ELAVL2: variants seen among roughly 807,000 people sequenced by gnomAD.
The protein encoded by ELAVL2 is ELAV like RNA binding protein 2.
A neutral mutation model predicts 34.6 loss-of-function variants in ELAVL2; 4 were observed. That is an observed-to-expected ratio of 0.12 (90% CI 0.06 to 0.26). The LOEUF (loss-of-function observed/expected upper bound fraction) is 0.26. Ranked by LOEUF, ELAVL2 falls within the 10% of genes least tolerant of loss-of-function variation. The pLI, the probability that ELAVL2 is intolerant of heterozygous loss-of-function variation, is 1.00. For synonymous variants in ELAVL2, 193 were observed against 154.8 expected, an observed-to-expected ratio of 1.25 and a Z score of -1.83; for missense variants, 432 against 442.8, an observed-to-expected ratio of 0.98 and a Z score of 0.22.
chr9:23,838,575 C>G, the ELAVL2 span, among the ~76,000 whole-genome samples: 2 of 152,130 alleles, frequency 1.3e-5, no homozygotes, highest in African/African-American at 4.8e-5. Flanking sequence ...TATAACTATC[C>G]TGTCCAATTA....
chr9:23,841,123 A>C, the ELAVL2 span, among the ~76,000 whole-genome samples: 1 of 152,142 alleles, frequency 6.6e-6, no homozygotes, highest in South Asian at 2.1e-4. Flanking sequence ...AAAGGGAAAG[A>C]GATATGTCCT....
chr9:23,747,237 T>C (rs191478294), intron 2 of ELAVL2, among the ~76,000 whole-genome samples: 1 of 152,138 alleles, frequency 6.6e-6, no homozygotes, highest in East Asian at 1.9e-4. Flanking sequence ...ATGGATAATG[T>C]GGACAAAGGG....
chr9:23,836,679 G>C, the ELAVL2 span, among the ~76,000 whole-genome samples: 19 of 152,160 alleles, frequency 1.2e-4, no homozygotes, highest in South Asian at 1.7e-3. Context: ...GTGTGTGTTT[G>C]TGTGGGTGTG....
At chr9:23,731,376 T>C (rs1369226596) in intron 2 of ELAVL2, among the ~76,000 whole-genome samples, 4 of 151,828 alleles carry the variant, frequency 2.6e-5, no homozygotes, top group Non-Finnish European at 5.9e-5. Flanking sequence ...GATTCCACCA[T>C]CCATGCCCTG....
Position 23,692,346 on chromosome 9 carries a change from C to T in ELAVL2, c.*211G>A. The T allele has an allele frequency of 1.7e-6, 1 of 572,014 alleles. No individual in the cohort carries two copies. The highest frequency in any genetic ancestry group is 3.0e-6 in the Non-Finnish European group (1 of 334,492). The allele number at this position is 572,014 out of a possible 1,614,324, so 35.4% of individuals were successfully genotyped here. A position where few individuals can be genotyped will look rare whatever the true frequency, so the allele number is the denominator to read the frequency against. On this transcript the variant is annotated 3_prime_UTR_variant, in exon 7 of 7. Coordinates refer to ENST00000397312, the MANE Select transcript of ELAVL2 (RefSeq NM_004432.5). ...TGTGACAGGTAAAAACCCTGTACCTCTTGTCCATATTCAAACATAAAAGAT... is the reference window on the plus strand; with the variant it reads ...TGTGACAGGTAAAAACCCTGTACCTTTTGTCCATATTCAAACATAAAAGAT...
intron 4 of ELAVL2, among the ~76,000 whole-genome samples, chr9:23,702,970 A>AAAAAAC (rs2037915481): frequency 6.8e-6 from 1 of 145,996 alleles, no homozygotes; most frequent in South Asian, 2.2e-4. Flanking sequence ...AAAAAAAAAA[A>AAAAAAC]AAAAAAAAAA....
intron 3 of ELAVL2, among the ~76,000 whole-genome samples, chr9:23,713,592 T>C (rs1347462321): frequency 6.6e-6 from 1 of 152,162 alleles, no homozygotes; most frequent in African/African-American, 2.4e-5. Flanking sequence ...AAATTGTCAG[T>C]AGTGGTTAAG....
At chr9:23,771,872 T>C (rs1292238608) in intron 1 of ELAVL2, among the ~76,000 whole-genome samples, 2 of 152,202 alleles carry the variant, frequency 1.3e-5, no homozygotes, top group African/African-American at 4.8e-5. Flanking sequence ...ATGAGATAAC[T>C]CTGTCTTGGT....
upstream of ELAVL2, chr9:23,831,308 C>G (rs1462351384): frequency 6.6e-6 from 1 of 152,324 alleles, no homozygotes; most frequent in Non-Finnish European, 1.5e-5. Flanking sequence ...CCTCCGGTCT[C>G]TAACTCTTTC....
chr9:23,832,245 A>G, the ELAVL2 span: 1 of 152,172 alleles, frequency 6.6e-6, no homozygotes. Flanking sequence ...GTTGTCATCC[A>G]CAGGAAAGAA....
rs939961795 is a variant in ELAVL2 at position 23,762,362 on chromosome 9, C to T, written c.-15-113G>A. The T allele has an allele frequency of 1.5e-5, 20 of 1,376,334 alleles. No homozygotes were observed. In the Admixed American group the frequency reaches 3.0e-4, roughly 21 times the overall value. 85.3% of individuals were successfully genotyped at this position (1,376,334 alleles called of 1,614,324 possible). On this transcript the variant is annotated intron_variant, in intron 1 of 6. Transcript: ENST00000397312. ...AACACAAGTCGTTCTAATGAAATTA[C>T]AACAATGCTTCAACAAAAAGTGTAA...
chr9:23,848,979 T>C, the ELAVL2 span, among the ~76,000 whole-genome samples: 1 of 152,332 alleles, frequency 6.6e-6, no homozygotes, highest in African/African-American at 2.4e-5. Flanking sequence ...TTAAGACTAC[T>C]GAGCACTATT....
intron 2 of ELAVL2, among the ~76,000 whole-genome samples, chr9:23,757,347 A>C (rs2135829595): frequency 6.6e-6 from 1 of 152,188 alleles, no homozygotes; most frequent in Middle Eastern, 3.4e-3. Flanking sequence ...ACAAGTGGCA[A>C]AGAGGAAACA....
intron 2 of ELAVL2, among the ~76,000 whole-genome samples, chr9:23,737,130 C>A (rs892087817): frequency 6.6e-6 from 1 of 152,164 alleles, no homozygotes; most frequent in Non-Finnish European, 1.5e-5. Flanking sequence ...CCTCACTAGA[C>A]TGCTGAGCAA....
At chr9:23,710,058 G>A (rs2040518064) in intron 3 of ELAVL2, among the ~76,000 whole-genome samples, 1 of 152,098 alleles carries the variant, frequency 6.6e-6, no homozygotes, top group South Asian at 2.1e-4. Flanking sequence ...GTAAGTAAAT[G>A]GCCCATGGCT....
intron 1 of ELAVL2, among the ~76,000 whole-genome samples, chr9:23,771,835 T>C (rs2057358222): frequency 6.6e-6 from 1 of 152,202 alleles, no homozygotes; most frequent in African/African-American, 2.4e-5. Flanking sequence ...GTCATTTATA[T>C]ACCTCTACAA....
At position 23,774,204 on chromosome 9, in the gene ELAVL2, ACTC is replaced by A. The variant is rs1489378072; in HGVS notation, c.-15-11958_-15-11956del. 8.6e-5 allele frequency among the ~76,000 whole-genome samples: 10 copies of A among 115,642 alleles called. No individual in the cohort carries two copies. In the Admixed American group the frequency reaches 1.0e-3, roughly 12 times the overall value. 75.9% of individuals were successfully genotyped at this position (115,642 alleles called of 152,430 possible). ...CCAAGCCTGGGCAAAAGTGCGAGAG[ACTC>A]CATCTCAAAAAAAAAAAAAAAAAAA... is the stretch of plus-strand genomic sequence containing the variant. On this transcript the variant is annotated intron_variant, in intron 1 of 6. Transcript: ENST00000397312.
At chr9:23,727,755 G>T (rs1003406662) in intron 3 of ELAVL2, among the ~76,000 whole-genome samples, 1 of 151,962 alleles carries the variant, frequency 6.6e-6, no homozygotes, top group African/African-American at 2.4e-5. Context: ...GAGCCTGAGG[G>T]ACTTCACTTC....
At chr9:23,702,142 T>C (rs1247709605) in intron 4 of ELAVL2, among the ~76,000 whole-genome samples, 9 of 152,310 alleles carry the variant, frequency 5.9e-5, no homozygotes, top group Non-Finnish European at 1.2e-4. Flanking sequence ...CTTAATAATA[T>C]TGCATAGGAT....
Sources: allele counts gnomAD v4.1 joint callset (sites outside exome capture counted in the v4.1 genomes callset), GRCh38; gene constraint gnomAD v4.1.1; transcripts MANE v1.5; gene names NCBI Gene and HGNC (gene_info 2026-07-23, HGNC 2026-07-21).